Variants in STYX observed in about 807,000 individuals in gnomAD.
STYX encodes serine/threonine/tyrosine interacting protein, also known as serine/threonine/tyrosine-interacting protein.
In STYX, 20 loss-of-function variants were observed where a neutral mutation model predicts 42.7. That is an observed-to-expected ratio of 0.47 (90% CI 0.33 to 0.68). The LOEUF (loss-of-function observed/expected upper bound fraction) is 0.68, where lower values mean the gene tolerates loss of function less well. Ranked by LOEUF, STYX falls within the 30% of genes least tolerant of loss-of-function variation. STYX has a pLI of 0.02. For synonymous variants in STYX, 78 were observed against 81.9 expected (o/e 0.95, Z 0.26); for missense variants, 226 against 268.5 (o/e 0.84, Z 1.11).
At position 52,762,882 on chromosome 14, in the gene STYX, CT is replaced by C. The variant is rs869029320; in HGVS notation, c.504+3154del. 7.8e-3 allele frequency among the ~76,000 whole-genome samples: 210 copies of C among 26,844 alleles called. 2 individuals carry two copies. Among genetic ancestry groups the C allele is most frequent in the South Asian group, 0.066 (39 of 594 alleles). 17.6% of individuals were successfully genotyped at this position (26,844 alleles called of 152,430 possible). A position where few individuals can be genotyped will look rare whatever the true frequency, so the allele number is the denominator to read the frequency against. ...CTTTTCTTTCTTTCTTTCTTTCTTT[CT>C]TTTTTTTTTTTTTTTTTTTTTTTTT... On this transcript the variant is annotated intron_variant, in intron 9 of 10. Coordinates refer to ENST00000354586, the MANE Select transcript of STYX (RefSeq NM_145251.4).
chr14:52,742,176 A>G (rs1020615273), intron 1 of STYX, among the ~76,000 whole-genome samples: 1 of 152,226 alleles, frequency 6.6e-6, no homozygotes, highest in South Asian at 2.1e-4. Context: ...CCACTCCACC[A>G]CTACCAATAC....
intron 1 of STYX, among the ~76,000 whole-genome samples, chr14:52,743,297 C>T (rs1015130516): frequency 2.6e-5 from 4 of 151,564 alleles, no homozygotes; most frequent in Admixed American, 1.3e-4. Flanking sequence ...AAATACTTTT[C>T]TGGGCCGGGG....
intron 1 of STYX, among the ~76,000 whole-genome samples, chr14:52,736,303 G>T (rs1880947656): frequency 1.3e-5 from 2 of 152,114 alleles, no homozygotes; most frequent in Admixed American, 6.5e-5. Context: ...CAATTCCCCA[G>T]CTACTATGGC....
intron 4 of STYX, among the ~76,000 whole-genome samples, chr14:52,751,093 TC>T (rs1262400784): frequency 6.6e-6 from 1 of 152,132 alleles, no homozygotes; most frequent in Non-Finnish European, 1.5e-5. Flanking sequence ...GAATTGAGTA[TC>T]TAGGGGATAG....
intron 1 of STYX, chr14:52,731,445 T>TTTC (rs1260682385): frequency 6.8e-6 from 1 of 146,738 alleles, no homozygotes; most frequent in Non-Finnish European, 1.5e-5. Context: ...TTTTTTTTTT[T>TTTC]TTTTTTTTTG....
At chr14:52,755,795 C>T (rs1881841574) in intron 4 of STYX, among the ~76,000 whole-genome samples, 1 of 148,914 alleles carries the variant, frequency 6.7e-6, no homozygotes, top group African/African-American at 2.5e-5. Flanking sequence ...TTCTCTTAGA[C>T]TTTGGACTTC....
chr14:52,755,121 GT>G (rs537098365), intron 4 of STYX, among the ~76,000 whole-genome samples: 50 of 139,262 alleles, frequency 3.6e-4, no homozygotes, highest in Middle Eastern at 3.6e-3. Context: ...TTGTTTTTTT[GT>G]TTTTTTTTTT....
intron 10 of STYX, 53 bp downstream of exon 10, chr14:52,768,986 G>A: frequency 2.2e-6 from 3 of 1,359,826 alleles, no homozygotes; most frequent in East Asian, 4.7e-5. Context: ...AATGAAAGGT[G>A]GAGAACTTGC....
In STYX at chr14:52,771,283, T is replaced by C. The variant is rs1882500832; in HGVS notation, c.*177T>C. 3.8e-6 allele frequency: 2 copies of C among 533,274 alleles called. No homozygotes were observed. Among genetic ancestry groups the C allele is most frequent in the African/African-American group, 3.8e-5 (2 of 52,348 alleles). The allele number at this position is 533,274 out of a possible 1,614,324, so 33.0% of individuals were successfully genotyped here. A position where few individuals can be genotyped will look rare whatever the true frequency, so the allele number is the denominator to read the frequency against. Reference sequence around the variant, plus strand: ...ATTTTAAGATGTTGGACTTCTGCAATAGATGACACTGATGGTTTTACTCCT... The same window carrying C: ...ATTTTAAGATGTTGGACTTCTGCAACAGATGACACTGATGGTTTTACTCCT... On this transcript the variant is annotated 3_prime_UTR_variant, in exon 11 of 11. Coordinates refer to ENST00000354586, the MANE Select transcript of STYX (RefSeq NM_145251.4).
intron 1 of STYX, chr14:52,731,811 C>T (rs1313474252): frequency 2.6e-5 from 4 of 151,956 alleles, no homozygotes; most frequent in Non-Finnish European, 5.9e-5. Context: ...AGAGTAGAGA[C>T]TTTGTTTGTG....
intron 9 of STYX, among the ~76,000 whole-genome samples, chr14:52,766,634 A>G (rs1057334256): frequency 6.6e-6 from 1 of 152,168 alleles, no homozygotes; most frequent in Non-Finnish European, 1.5e-5. Context: ...ATTGCTCTAC[A>G]TCAGTTTTTT....
At chr14:52,734,334 T>C (rs982061565) in intron 1 of STYX, among the ~76,000 whole-genome samples, 2 of 152,194 alleles carry the variant, frequency 1.3e-5, no homozygotes, top group African/African-American at 4.8e-5. Flanking sequence ...GCACCTCCAG[T>C]GTTTTCATCC....
At chr14:52,731,433 C>CTTTTTTTTTTT (rs34855760) in intron 1 of STYX, among the ~76,000 whole-genome samples, 2 of 105,628 alleles carry the variant, frequency 1.9e-5, no homozygotes, top group Non-Finnish European at 3.6e-5. Flanking sequence ...TGGAGGTTCA[C>CTTTTTTTTTTT]TTTTTTTTTT....
chr14:52,735,064 A>T lies in STYX; in HGVS notation c.57+4533A>T, dbSNP rs112527553. ...AGAGCGAGACTCCATCTCAAAAAAA[A>T]AAAAAGTAATTAAATCCAGAAGGGT... On this transcript the variant is annotated intron_variant, in intron 1 of 10. Transcript: ENST00000354586. Among the ~76,000 whole-genome samples, 594 of 152,212 alleles carry T rather than the reference A, an allele frequency of 3.9e-3. 4 individuals carry two copies. The highest frequency in any genetic ancestry group is 0.014 in the African/African-American group (566 of 41,534).
chr14:52,749,362 TA>T (rs1594871521), intron 3 of STYX, among the ~76,000 whole-genome samples: 3 of 152,284 alleles, frequency 2.0e-5, no homozygotes, highest in East Asian at 3.9e-4. Flanking sequence ...ACATATAAAT[TA>T]TTTTTTTTTA....
intron 1 of STYX, 105 bp downstream of exon 1, chr14:52,730,636 T>C: frequency 1.5e-6 from 2 of 1,327,356 alleles, no homozygotes; most frequent in Admixed American, 2.1e-5. Context: ...ACGGGCGCCC[T>C]GCCTCCTAAG....
At chr14:52,737,795 TTTTG>T (rs777597834) in intron 1 of STYX, among the ~76,000 whole-genome samples, 3 of 152,060 alleles carry the variant, frequency 2.0e-5, no homozygotes, top group African/African-American at 7.2e-5. Context: ...GGCAGGGTTT[TTTTG>T]TTTGTTTGTT....
Position 52,757,300 on chromosome 14 carries a change from A to G in STYX, c.304-19A>G, listed in dbSNP as rs557813831. On this transcript the variant is annotated intron_variant, in intron 5 of 10. Transcript: ENST00000354586. ...ATTTATTTTATGCTTACATTAATCC[A>G]CATGTCTTTTGCCTCCAGACTAAGG... 7 of 1,596,934 alleles carry G rather than the reference A, an allele frequency of 4.4e-6. No individual in the cohort carries two copies. The Admixed American group carries it at 5.1e-5, about 12-fold the overall frequency.
At position 52,774,791 on chromosome 14, in the gene STYX, A is replaced by G. The variant is rs1414400324; in HGVS notation, c.*3685A>G. On this transcript the variant is annotated 3_prime_UTR_variant, in exon 11 of 11. Transcript: ENST00000354586. ...GCAAAAATGATTCAAGAAGAAAAAT[A>G]ACCTACAGTGTCTGTATACCTTTGT... 1 of 152,168 alleles carries G rather than the reference A, an allele frequency of 6.6e-6. No individual in the cohort carries two copies. Among genetic ancestry groups the G allele is most frequent in the Admixed American group, 6.5e-5 (1 of 15,272 alleles). 9.4% of individuals were successfully genotyped at this position (152,168 alleles called of 1,614,324 possible).
Sources: gnomAD v4.1 joint callset for allele counts (sites outside exome capture counted in the v4.1 genomes callset) on GRCh38, gnomAD v4.1.1 for gene constraint, MANE v1.5 for transcripts, NCBI Gene and HGNC (gene_info 2026-07-23, HGNC 2026-07-21) for gene names.